Variants in WASHC4 observed in about 807,000 individuals in gnomAD.
The protein encoded by WASHC4 is WASH complex subunit 7.
Under a neutral mutation model 166.6 loss-of-function variants are expected in WASHC4, and 86 were observed. That is an observed-to-expected ratio of 0.52 (90% CI 0.43 to 0.62). WASHC4 has a LOEUF of 0.62. WASHC4 is among the 20% of genes least tolerant of loss of function. The probability of loss-of-function intolerance (pLI) is 0.00; values close to 1 mark genes in which losing one functional copy is unlikely to be tolerated. For missense variants in WASHC4, 1,262 were observed against 1,382.4 expected (o/e 0.91, Z 1.38); for synonymous variants, 446 against 451.6 (o/e 0.99, Z 0.16).
chr12:105,146,336 A>G, intron 22 of WASHC4, 116 bp from the exon 23 acceptor site: 2 of 713,126 alleles, frequency 2.8e-6, no homozygotes, highest in South Asian at 1.7e-5. Context: ...ATAGTTCTTT[A>G]AAATAACTTA....
chr12:105,147,497 CAA>C, intron 24 of WASHC4: 1 of 585,842 alleles, frequency 1.7e-6, no homozygotes, highest in East Asian at 7.9e-5. Context: ...TGAAAGTCAA[CAA>C]TAGATAGTAA....
intron 30 of WASHC4, among the ~76,000 whole-genome samples, chr12:105,163,103 C>T (rs11832489): frequency 0.17 from 25,747 of 151,756 alleles, 2,443 homozygotes; most frequent in East Asian, 0.25. Context: ...ACTACAGGCA[C>T]TCGCCACCAC....
chr12:105,115,164 A>G lies in WASHC4; in HGVS notation c.322-20A>G, dbSNP rs768763514. On this transcript the variant is annotated intron_variant, in intron 4 of 32. Coordinates refer to ENST00000332180, the MANE Select transcript of WASHC4 (RefSeq NM_015275.3). ...ACAAAACAACCTTTAAAATTATTTTAATTTTTTTCTTAAAAACAGGCTGAA... is the reference window on the plus strand; with the variant it reads ...ACAAAACAACCTTTAAAATTATTTTGATTTTTTTCTTAAAAACAGGCTGAA... 1 of 1,321,712 alleles carries G rather than the reference A, an allele frequency of 7.6e-7. No homozygotes were observed. The highest frequency in any genetic ancestry group is 1.1e-6 in the Non-Finnish European group (1 of 916,472). 81.9% of individuals were successfully genotyped at this position (1,321,712 alleles called of 1,614,324 possible). A position where few individuals can be genotyped will look rare whatever the true frequency, so the allele number is the denominator to read the frequency against.
intron 13 of WASHC4, among the ~76,000 whole-genome samples, chr12:105,130,688 G>A (rs1442252667): frequency 7.1e-6 from 1 of 140,210 alleles, no homozygotes; most frequent in Admixed American, 7.3e-5. Flanking sequence ...GCAATGGAGA[G>A]CAATGAGCAA....
At chr12:105,107,891 G>T (rs1214740150) in intron 1 of WASHC4, 30 bp downstream of exon 1, 2 of 1,509,898 alleles carry the variant, frequency 1.3e-6, no homozygotes, top group African/African-American at 1.4e-5. Flanking sequence ...AGGGCTGCGG[G>T]TGGACGCTCC....
intron 25 of WASHC4, among the ~76,000 whole-genome samples, chr12:105,150,265 C>T (rs1883635401): frequency 6.6e-6 from 1 of 150,478 alleles, no homozygotes; most frequent in African/African-American, 2.4e-5. Context: ...ACTTATTTAA[C>T]CTTCTTCTGT....
intron 29 of WASHC4, among the ~76,000 whole-genome samples, chr12:105,160,724 G>A (rs927421474): frequency 6.6e-6 from 1 of 152,044 alleles, no homozygotes; most frequent in African/African-American, 2.4e-5. Context: ...ATGAGTATAT[G>A]CCATAGAATC....
rs774530129 is a variant in WASHC4, at chr12:105,144,317, G to A, written c.2041G>A (p.Glu681Lys). The A allele has an allele frequency of 6.2e-7, 1 of 1,612,932 alleles. No individual in the cohort carries two copies. The highest frequency in any genetic ancestry group is 1.1e-5 in the South Asian group (1 of 90,874). Residue 681 changes from glutamate (E) to lysine (K), a missense_variant, in exon 21 of 33, where the codon GAG becomes AAG. Coordinates refer to ENST00000332180, the MANE Select transcript of WASHC4 (RefSeq NM_015275.3). ...GCTGGACAAATTATGCAAAGAAATA[G>A]AGAAAGATCTGCGACTTTCTGTGCA... is the stretch of plus-strand genomic sequence containing the variant. ...HLLDKLCKEI[E>K]KDLRLSVHTH...
chr12:105,114,192 T>C (rs1303418077), intron 2 of WASHC4, 24 bp from the exon 3 acceptor site: 6 of 1,595,830 alleles, frequency 3.8e-6, no homozygotes, highest in East Asian at 2.2e-5. Context: ...TTAAAAGAAA[T>C]GTTCTTTTCC....
rs758338056 is a variant in WASHC4, at chr12:105,167,940, G to A, written c.*1009G>A. On this transcript the variant is annotated 3_prime_UTR_variant, in exon 33 of 33. Coordinates refer to ENST00000332180, the MANE Select transcript of WASHC4 (RefSeq NM_015275.3). ...TACAGAAAGATTTTGAGTAAATTTT[G>A]TGCCCAGCAAGCTGTTAGTTTTATT... 4 of 152,440 alleles carry A rather than the reference G, an allele frequency of 2.6e-5. No homozygotes were observed. Among genetic ancestry groups the A allele is most frequent in the Admixed American group, 1.3e-4 (2 of 15,260 alleles). The allele number at this position is 152,440 out of a possible 1,614,324, so 9.4% of individuals were successfully genotyped here. A position where few individuals can be genotyped will look rare whatever the true frequency, so the allele number is the denominator to read the frequency against.
chr12:105,111,228 T>A lies in WASHC4; in HGVS notation c.165T>A (p.Asp55Glu), dbSNP rs1350008962. ...ACGCTCTGGATGACTCAATTGGAGA[T>A]GTTTGGGATTTCAATCTTGATCCTA... is the stretch of plus-strand genomic sequence containing the variant. ...IEDALDDSIG[D>E]VWDFNLDPIA... The change falls in exon 2 of 33, where the codon GAT becomes GAA. Residue 55 changes from aspartate to glutamate, a missense_variant. By Grantham distance (45) the Asp-to-Glu change is conservative. Coordinates refer to ENST00000332180, the MANE Select transcript of WASHC4 (RefSeq NM_015275.3). 1.2e-6 allele frequency: 2 copies of A among 1,610,138 alleles called. No homozygotes were observed. Among genetic ancestry groups the A allele is most frequent in the South Asian group, 2.2e-5 (2 of 90,984 alleles).
intron 20 of WASHC4, 130 bp downstream of exon 20, chr12:105,143,373 A>G (rs1438388683): frequency 1.9e-5 from 12 of 624,554 alleles, no homozygotes; most frequent in East Asian, 8.7e-5. Flanking sequence ...ACAAAGAACT[A>G]TTTTTAGTTA....
intron 1 of WASHC4, among the ~76,000 whole-genome samples, 182 bp from the exon 2 acceptor site, chr12:105,110,943 C>T (rs1158786041): frequency 1.3e-5 from 2 of 152,116 alleles, no homozygotes; most frequent in East Asian, 1.9e-4. Context: ...AAAATTATTT[C>T]GTGTATAGAG....
chr12:105,155,394 C>T (rs901414154), intron 26 of WASHC4, among the ~76,000 whole-genome samples: 9 of 282 alleles, frequency 0.032, no homozygotes, highest in Non-Finnish European at 0.043. Context: ...AGCCCTGATT[C>T]GTTCACATTT....
Position 105,126,051 on chromosome 12 carries a change from G to A in WASHC4, c.834G>A (p.Val278=), listed in dbSNP as rs747289662. Residue 278 remains valine (V), a synonymous_variant, in exon 11 of 33, where the codon GTG becomes GTA. Transcript: ENST00000332180. ...QFDSLNGGVS[V]SKNSTFAEEF... is the part of the protein sequence containing the mutation. ...ATTCTCTCAATGGAGGAGTATCTGT[G>A]TCAAAAAATAGTACTTTTGCTGAGG... 17 of 1,612,588 alleles carry A rather than the reference G, an allele frequency of 1.1e-5. No homozygotes were observed. The highest frequency in any genetic ancestry group is 1.4e-5 in the Non-Finnish European group (17 of 1,179,112).
At chr12:105,157,128 C>T in intron 27 of WASHC4, 108 bp from the exon 28 acceptor site, 1 of 681,006 alleles carries the variant, frequency 1.5e-6, no homozygotes, top group Admixed American at 2.4e-5. Context: ...CAGTTGTTTC[C>T]AAATACATAG....
intron 1 of WASHC4, among the ~76,000 whole-genome samples, chr12:105,110,227 T>C (rs1183933671): frequency 6.6e-6 from 1 of 152,210 alleles, no homozygotes; most frequent in Non-Finnish European, 1.5e-5. Flanking sequence ...TATACTTTAA[T>C]ACAGCATGAG....
chr12:105,124,828 A>G (rs1344182414), intron 10 of WASHC4, among the ~76,000 whole-genome samples: 1 of 152,166 alleles, frequency 6.6e-6, no homozygotes, highest in African/African-American at 2.4e-5. Flanking sequence ...AATTCTTCCT[A>G]GGCCCAGGGA....
At chr12:105,107,993 G>C in intron 1 of WASHC4, 132 bp downstream of exon 1, 1 of 704,288 alleles carries the variant, frequency 1.4e-6, no homozygotes, top group Admixed American at 2.3e-5. Flanking sequence ...AGCCCTTGGG[G>C]TGTGCGAGGG....
Sources: gnomAD v4.1 joint callset for allele counts (sites outside exome capture counted in the v4.1 genomes callset) on GRCh38, gnomAD v4.1.1 for gene constraint, MANE v1.5 for transcripts, NCBI Gene and HGNC (gene_info 2026-07-23, HGNC 2026-07-21) for gene names.